ATG4A: variants seen among roughly 807,000 people sequenced by gnomAD.
ATG4A encodes cysteine protease ATG4A.
ATG4A carries 22 observed loss-of-function variants against 38.4 expected under a neutral mutation model. The observed-to-expected ratio is 0.57, with a 90% confidence interval of 0.41 to 0.82. ATG4A has a LOEUF of 0.82. Ranked by LOEUF, ATG4A falls within the 40% of genes least tolerant of loss-of-function variation. The pLI is 0.00. For missense variants in ATG4A, 220 were observed against 290.0 expected, an observed-to-expected ratio of 0.76 and a Z score of 1.75; for synonymous variants, 86 against 100.7, an observed-to-expected ratio of 0.85 and a Z score of 0.88.
At chrX:108,090,972 T>C (rs2031596356), upstream of ATG4A, among the ~76,000 whole-genome samples, 1 of 113,110 alleles carries the variant, frequency 8.8e-6, no homozygotes, top group Non-Finnish European at 1.9e-5. Flanking sequence ...TAATCGGACA[T>C]GTTTTTGTGC....
At chrX:108,104,925 GTT>G (rs56127774) in intron 1 of ATG4A, among the ~76,000 whole-genome samples, 1 of 86,952 alleles carries the variant, frequency 1.2e-5, no homozygotes. Context: ...TACCTGTCAT[GTT>G]TTTTTTTTTT....
rs376796150 is a variant in ATG4A, at chrX:108,151,867, A to G, written c.1017+9A>G. ...GTAGCCTTGTTCAGAAGGTAAAGCTATATGTTTTTCTTAGTCTGAAAAATG... is the reference window on the plus strand; with the variant it reads ...GTAGCCTTGTTCAGAAGGTAAAGCTGTATGTTTTTCTTAGTCTGAAAAATG... On this transcript the variant is annotated intron_variant, in intron 11 of 12. Transcript: ENST00000372232. 1.6e-5 allele frequency: 19 copies of G among 1,181,304 alleles called. No individual in the cohort carries two copies. In the African/African-American group the frequency reaches 1.9e-4, roughly 12 times the overall value.
At chrX:108,133,441 A>C (rs894604309) in intron 4 of ATG4A, among the ~76,000 whole-genome samples, 2 of 112,578 alleles carry the variant, frequency 1.8e-5, no homozygotes, top group Admixed American at 1.9e-4. Context: ...TCTTAGGGAA[A>C]CATTGAACAC....
chrX:108,125,156 A>ATTAT (rs971913556), intron 1 of ATG4A, among the ~76,000 whole-genome samples: 13 of 111,467 alleles, frequency 1.2e-4, no homozygotes, highest in African/African-American at 4.2e-4. Flanking sequence ...GAAAATTATT[A>ATTAT]TTATTTATTT....
chrX:108,098,085 A>G (rs946494153), intron 1 of ATG4A, among the ~76,000 whole-genome samples: 1 of 111,611 alleles, frequency 9.0e-6, no homozygotes, highest in African/African-American at 3.3e-5. Flanking sequence ...TACATTAGGT[A>G]TTTCTCCTAA....
At chrX:108,147,465 G>A (rs187463246) in intron 9 of ATG4A, among the ~76,000 whole-genome samples, 84 of 111,728 alleles carry the variant, frequency 7.5e-4, no homozygotes, top group African/African-American at 2.5e-3. Flanking sequence ...TGGCGAGGCT[G>A]TGCATGCACC....
chrX:108,129,657 G>A (rs1274861830), intron 3 of ATG4A, among the ~76,000 whole-genome samples: 1 of 101,870 alleles, frequency 9.8e-6, no homozygotes, highest in East Asian at 3.1e-4. Flanking sequence ...TGCAAGCTCC[G>A]CCTCCTGGGT....
At chrX:108,091,409 G>T, upstream of ATG4A, 1 of 1,209,406 alleles carries the variant, frequency 8.3e-7, no homozygotes, top group Non-Finnish European at 1.1e-6. Flanking sequence ...TGCTTTACCT[G>T]GTCAGTTCTA....
At chrX:108,093,235 A>G (rs1392457260) in intron 1 of ATG4A, among the ~76,000 whole-genome samples, 1 of 111,813 alleles carries the variant, frequency 8.9e-6, no homozygotes, top group Non-Finnish European at 1.9e-5. Context: ...TCCCATTCCC[A>G]GCCCCAGACA....
At chrX:108,091,574 G>A (rs1389358041), upstream of ATG4A, 3 of 1,111,409 alleles carry the variant, frequency 2.7e-6, no homozygotes, top group African/African-American at 5.4e-5. Context: ...TCACGTCGCC[G>A]GCTCCGGCTA....
At chrX:108,145,781 A>G in intron 9 of ATG4A, among the ~76,000 whole-genome samples, 1 of 112,268 alleles carries the variant, frequency 8.9e-6, no homozygotes, top group Non-Finnish European at 1.9e-5. Flanking sequence ...CAGGGAGCCA[A>G]TGTAGGGGTT....
At chrX:108,149,137 T>C (rs1243279916) in intron 9 of ATG4A, among the ~76,000 whole-genome samples, 2 of 113,161 alleles carry the variant, frequency 1.8e-5, no homozygotes, top group East Asian at 5.6e-4. Flanking sequence ...GACAGAAACA[T>C]GTAGATGTGC....
At chrX:108,136,590 C>G (rs933957190) in intron 6 of ATG4A, among the ~76,000 whole-genome samples, 2 of 111,550 alleles carry the variant, frequency 1.8e-5, no homozygotes, top group Non-Finnish European at 3.8e-5. Flanking sequence ...TCTTTCCCCT[C>G]CACCCACTGT....
intron 1 of ATG4A, among the ~76,000 whole-genome samples, chrX:108,117,856 C>T (rs1225654949): frequency 8.9e-6 from 1 of 112,107 alleles, no homozygotes; most frequent in Non-Finnish European, 1.9e-5. Context: ...ATTTTTGCAC[C>T]TGTCTTTTCT....
At chrX:108,141,950 G>T (rs1210888624) in intron 9 of ATG4A, among the ~76,000 whole-genome samples, 1 of 111,586 alleles carries the variant, frequency 9.0e-6, no homozygotes, top group East Asian at 2.8e-4. Flanking sequence ...TACCCCAATG[G>T]ATGATGATTA....
chrX:108,091,321 C>G (rs1045476154), upstream of ATG4A: 2 of 892,579 alleles, frequency 2.2e-6, no homozygotes, highest in Admixed American at 2.3e-5. Flanking sequence ...CTCTCAGAAA[C>G]GGGGCCTCCG....
intron 9 of ATG4A, among the ~76,000 whole-genome samples, chrX:108,141,071 C>CATATATATATATATATATATAT (rs139918190): frequency 2.9e-5 from 1 of 35,063 alleles, no homozygotes; most frequent in Non-Finnish European, 4.7e-5. Flanking sequence ...TATATATATA[C>CATATATATATATATATATATAT]ATATATATAT....
intron 11 of ATG4A, 143 bp downstream of exon 11, chrX:108,152,001 A>G: frequency 3.4e-6 from 2 of 579,911 alleles, no homozygotes; most frequent in South Asian, 4.1e-5. Context: ...CAAAGAAACT[A>G]TCAGGTGTGG....
At chrX:108,123,684 C>T (rs1216577697) in intron 1 of ATG4A, among the ~76,000 whole-genome samples, 1 of 112,230 alleles carries the variant, frequency 8.9e-6, no homozygotes, top group Non-Finnish European at 1.9e-5. Flanking sequence ...TAATGACCTT[C>T]TTGCTGGCCT....
Sources: allele counts gnomAD v4.1 joint callset (sites outside exome capture counted in the v4.1 genomes callset), GRCh38; gene constraint gnomAD v4.1.1; transcripts MANE v1.5; gene names NCBI Gene and HGNC (gene_info 2026-07-23, HGNC 2026-07-21).